CTNND2: variants seen among roughly 807,000 people sequenced by gnomAD.
CTNND2 encodes the protein catenin delta-2.
CTNND2 carries 22 observed loss-of-function variants against 144.4 expected under a neutral mutation model. That is an observed-to-expected ratio of 0.15 (90% CI 0.11 to 0.22). The LOEUF (loss-of-function observed/expected upper bound fraction) is 0.22. Ranked by LOEUF, CTNND2 falls within the 10% of genes least tolerant of loss-of-function variation. The probability of loss-of-function intolerance (pLI) is 1.00; values close to 1 mark genes in which losing one functional copy is unlikely to be tolerated. For synonymous variants in CTNND2, 751 were observed against 695.6 expected (o/e 1.08, Z -1.25); for missense variants, 1,353 against 1,618.8 (o/e 0.84, Z 2.82).
chr5:11,479,003 T>TA (rs536355771), intron 3 of CTNND2, among the ~76,000 whole-genome samples: 3 of 152,008 alleles, frequency 2.0e-5, no homozygotes, highest in Non-Finnish European at 4.4e-5. Context: ...TAATTTAACT[T>TA]AAAAAAAATT....
intron 10 of CTNND2, among the ~76,000 whole-genome samples, chr5:11,231,470 T>C (rs988528701): frequency 6.6e-6 from 1 of 152,156 alleles, no homozygotes; most frequent in African/African-American, 2.4e-5. Flanking sequence ...TGGTCTCAGA[T>C]AGATATGCGG....
intron 7 of CTNND2, among the ~76,000 whole-genome samples, chr5:11,371,134 A>G (rs1459667058): frequency 6.6e-6 from 1 of 152,202 alleles, no homozygotes; most frequent in African/African-American, 2.4e-5. Flanking sequence ...GGTATGTCCC[A>G]TGATGATAGG....
chr5:11,883,238 T>A (rs766164017), intron 1 of CTNND2, among the ~76,000 whole-genome samples: 11 of 152,180 alleles, frequency 7.2e-5, no homozygotes, highest in Non-Finnish European at 1.6e-4. Context: ...ATGTGCAGGT[T>A]AGTTACATAG....
chr5:11,710,303 G>A (rs139472160), intron 2 of CTNND2, among the ~76,000 whole-genome samples: 18 of 152,296 alleles, frequency 1.2e-4, no homozygotes, highest in African/African-American at 4.3e-4. Flanking sequence ...AGCACTTTGG[G>A]AGGCTGAGGT....
Position 11,575,524 on chromosome 5 carries a change from G to A in CTNND2, c.175-10468C>T, listed in dbSNP as rs541377216. Among the ~76,000 whole-genome samples, 36 of 151,980 alleles carry A rather than the reference G, an allele frequency of 2.4e-4. No homozygotes were observed. The South Asian group carries it at 4.8e-3, about 20-fold the overall frequency. On this transcript the variant is annotated intron_variant, in intron 2 of 21. Transcript: ENST00000304623. ...TGTACATCCTTTGTATAACTAACCC[G>A]TTTTAGGAATAATGTTTTTCAGAAC...
intron 3 of CTNND2, among the ~76,000 whole-genome samples, chr5:11,439,138 C>T (rs1443344549): frequency 6.6e-6 from 1 of 152,116 alleles, no homozygotes; most frequent in Non-Finnish European, 1.5e-5. Flanking sequence ...AGGCCAAAAC[C>T]ATAATCCAAT....
intron 1 of CTNND2, among the ~76,000 whole-genome samples, chr5:11,849,248 C>T (rs1422419747): frequency 2.0e-5 from 3 of 152,058 alleles, no homozygotes. Flanking sequence ...AGACTTACTA[C>T]CATGAGAACA....
chr5:11,826,271 T>C (rs189556040), intron 1 of CTNND2, among the ~76,000 whole-genome samples: 3 of 152,148 alleles, frequency 2.0e-5, no homozygotes, highest in Admixed American at 2.0e-4. Flanking sequence ...CAGTGCAATA[T>C]AATTTGCAGT....
At chr5:11,734,806 G>T (rs1268995603) in intron 1 of CTNND2, among the ~76,000 whole-genome samples, 1 of 152,046 alleles carries the variant, frequency 6.6e-6, no homozygotes, top group African/African-American at 2.4e-5. Context: ...CCCCATTACA[G>T]AATTTTACTT....
chr5:11,447,622 C>A (rs1764937860), intron 3 of CTNND2, among the ~76,000 whole-genome samples: 1 of 152,130 alleles, frequency 6.6e-6, no homozygotes, highest in African/African-American at 2.4e-5. Context: ...CTTTTAGTTG[C>A]TGAAACTTAA....
intron 3 of CTNND2, among the ~76,000 whole-genome samples, chr5:11,451,869 T>A (rs1765343471): frequency 6.6e-6 from 1 of 152,214 alleles, no homozygotes; most frequent in African/African-American, 2.4e-5. Context: ...AAACAATAAA[T>A]GTAGTGGCAT....
chr5:11,277,595 G>A (rs375071746), intron 9 of CTNND2, among the ~76,000 whole-genome samples: 3 of 151,154 alleles, frequency 2.0e-5, no homozygotes, highest in South Asian at 2.1e-4. Context: ...GCAGTGGTAC[G>A]ATCTGAACTC....
At chr5:11,284,617 T>C (rs1237757602) in intron 9 of CTNND2, among the ~76,000 whole-genome samples, 1 of 152,360 alleles carries the variant, frequency 6.6e-6, no homozygotes, top group African/African-American at 2.4e-5. Context: ...GGCTGCGTAG[T>C]ATTCTATGGT....
Position 11,690,597 on chromosome 5 carries a change from G to A in CTNND2, c.174+41539C>T, listed in dbSNP as rs905405428. On this transcript the variant is annotated intron_variant, in intron 2 of 21. Coordinates refer to ENST00000304623, the MANE Select transcript of CTNND2 (RefSeq NM_001332.4). ...AAATACAAAAAAAAATTAGCCGGGC[G>A]CGGTGGCGGGCGCCTGTAGTCCCAG... 1.5e-4 allele frequency among the ~76,000 whole-genome samples: 23 copies of A among 151,728 alleles called. 1 individual carries two copies. The highest frequency in any genetic ancestry group is 3.6e-4 in the African/African-American group (15 of 41,460).
At position 11,709,029 on chromosome 5, in the gene CTNND2, T is replaced by C. The variant is rs559697872; in HGVS notation, c.174+23107A>G. Among the ~76,000 whole-genome samples, 9 of 152,334 alleles carry C rather than the reference T, an allele frequency of 5.9e-5. No individual in the cohort carries two copies. The South Asian group carries it at 1.9e-3, about 32-fold the overall frequency. On this transcript the variant is annotated intron_variant, in intron 2 of 21. Transcript: ENST00000304623. ...TGAACTTTCTTACCAGGGAAGCTAC[T>C]ATGATAACAAAGTGAAAACTAGGTA...
At chr5:11,015,979 C>T (rs1309224438) in intron 18 of CTNND2, among the ~76,000 whole-genome samples, 4 of 152,154 alleles carry the variant, frequency 2.6e-5, no homozygotes, top group African/African-American at 9.7e-5. Context: ...TTATGCTAAC[C>T]CATTATATGA....
intron 2 of CTNND2, among the ~76,000 whole-genome samples, chr5:11,629,909 A>G (rs895804160): frequency 5.9e-5 from 9 of 152,184 alleles, no homozygotes; most frequent in Admixed American, 1.3e-4. Context: ...ATTGTTGAAA[A>G]AAATGCTAAT....
intron 10 of CTNND2, among the ~76,000 whole-genome samples, chr5:11,231,271 T>C (rs959303828): frequency 1.3e-5 from 2 of 152,184 alleles, no homozygotes; most frequent in Non-Finnish European, 1.5e-5. Flanking sequence ...AGGAGTGGGC[T>C]GTTGTTGTAA....
At chr5:11,313,007 GAGC>G (rs1378832192) in intron 9 of CTNND2, among the ~76,000 whole-genome samples, 1 of 152,066 alleles carries the variant, frequency 6.6e-6, no homozygotes, top group African/African-American at 2.4e-5. Context: ...ACATCCATTG[GAGC>G]AGGTCAGAAT....
Sources: gnomAD v4.1 joint callset for allele counts (sites outside exome capture counted in the v4.1 genomes callset) on GRCh38, gnomAD v4.1.1 for gene constraint, MANE v1.5 for transcripts, NCBI Gene and HGNC (gene_info 2026-07-23, HGNC 2026-07-21) for gene names.